Variants in NR3C2 observed in about 807,000 individuals in gnomAD.
The protein encoded by NR3C2 is mineralocorticoid receptor.
Under a neutral mutation model 86.4 loss-of-function variants are expected in NR3C2, and 15 were observed. The observed-to-expected ratio is 0.17, with a 90% CI of 0.12 to 0.27. The LOEUF is 0.27. Ranked by LOEUF, NR3C2 falls within the 10% of genes least tolerant of loss-of-function variation. The pLI, the probability that NR3C2 is intolerant of heterozygous loss-of-function variation, is 1.00. For synonymous variants in NR3C2, 458 were observed against 450.5 expected (o/e 1.02, Z -0.21); for missense variants, 960 against 1,195.6 (o/e 0.80, Z 2.91).
At chr4:148,422,573 C>T (rs1749335669) in intron 2 of NR3C2, among the ~76,000 whole-genome samples, 1 of 152,016 alleles carries the variant, frequency 6.6e-6, no homozygotes, top group African/African-American at 2.4e-5. Flanking sequence ...AAAATAAGCA[C>T]ATTTCTACTT....
At chr4:148,096,800 T>C (rs568588550) in intron 8 of NR3C2, among the ~76,000 whole-genome samples, 17 of 152,316 alleles carry the variant, frequency 1.1e-4, no homozygotes, top group African/African-American at 4.1e-4. Context: ...GTGACTGCTG[T>C]CATGCTACAG....
intron 3 of NR3C2, among the ~76,000 whole-genome samples, chr4:148,210,454 G>A (rs1737227991): frequency 6.6e-6 from 1 of 152,204 alleles, no homozygotes. Context: ...GGCTCCCAAA[G>A]TGCTGGGATT....
intron 3 of NR3C2, among the ~76,000 whole-genome samples, chr4:148,223,260 A>G (rs556268039): frequency 6.6e-6 from 1 of 152,194 alleles, no homozygotes; most frequent in South Asian, 2.1e-4. Context: ...CCCAGCCTCA[A>G]ATGCATCCCT....
intron 3 of NR3C2, among the ~76,000 whole-genome samples, chr4:148,250,060 A>C (rs1483856176): frequency 6.6e-6 from 1 of 152,160 alleles, no homozygotes; most frequent in Non-Finnish European, 1.5e-5. Context: ...TTTGCCTCAG[A>C]ACAGTGCCGA....
At chr4:148,429,235 G>A (rs966747864) in intron 2 of NR3C2, among the ~76,000 whole-genome samples, 4 of 152,020 alleles carry the variant, frequency 2.6e-5, no homozygotes, top group African/African-American at 7.3e-5. Context: ...TGCCACTTAC[G>A]AGCCAAATTT....
At position 148,112,952 on chromosome 4, in the gene NR3C2, G is replaced by C. The variant is rs1200894574; in HGVS notation, c.2799+1152C>G. On this transcript the variant is annotated intron_variant, in intron 8 of 8. Transcript: ENST00000358102. Reference sequence around the variant, plus strand: ...TACTCAGATCTTACAGGATGAACTTGGGCAATAAATTCTCCAAAAGAAAGT... The same window carrying C: ...TACTCAGATCTTACAGGATGAACTTCGGCAATAAATTCTCCAAAAGAAAGT... Among the ~76,000 whole-genome samples, 7 of 152,072 alleles carry C rather than the reference G, an allele frequency of 4.6e-5. No homozygotes were observed. In the South Asian group the frequency reaches 1.2e-3, roughly 27 times the overall value.
rs890061461 is a variant in NR3C2 at position 148,079,509 on chromosome 4, A to G, written c.*1835T>C. Reference sequence around the variant, plus strand: ...TTTTAGATTTTGGAAAATAATTAATATGATTTCACTGAGTAAACCTGATGA... The same window carrying G: ...TTTTAGATTTTGGAAAATAATTAATGTGATTTCACTGAGTAAACCTGATGA... On this transcript the variant is annotated 3_prime_UTR_variant, in exon 9 of 9. Transcript: ENST00000358102. 1.3e-5 allele frequency: 2 copies of G among 152,594 alleles called. No homozygotes were observed. Among genetic ancestry groups the G allele is most frequent in the East Asian group, 1.9e-4 (1 of 5,206 alleles). 9.5% of individuals were successfully genotyped at this position (152,594 alleles called of 1,614,324 possible). A position where few individuals can be genotyped will look rare whatever the true frequency, so the allele number is the denominator to read the frequency against.
intron 2 of NR3C2, among the ~76,000 whole-genome samples, chr4:148,300,868 G>T (rs1004067808): frequency 1.3e-5 from 2 of 152,122 alleles, no homozygotes; most frequent in African/African-American, 2.4e-5. Flanking sequence ...CACCGCGCCC[G>T]ACCTTGCCTT....
chr4:148,340,754 G>A (rs1045922625), intron 2 of NR3C2, among the ~76,000 whole-genome samples: 3 of 151,940 alleles, frequency 2.0e-5, no homozygotes, highest in Non-Finnish European at 4.4e-5. Context: ...GAATATATAA[G>A]GAACTCAAAC....
At chr4:148,321,503 G>T (rs1375344187) in intron 2 of NR3C2, among the ~76,000 whole-genome samples, 1 of 151,986 alleles carries the variant, frequency 6.6e-6, no homozygotes, top group Non-Finnish European at 1.5e-5. Context: ...TTATTAATGT[G>T]TGGGAGTCTA....
At chr4:148,178,439 C>G (rs1735484536) in intron 4 of NR3C2, among the ~76,000 whole-genome samples, 1 of 151,596 alleles carries the variant, frequency 6.6e-6, no homozygotes, top group Non-Finnish European at 1.5e-5. Flanking sequence ...GTATGGATAA[C>G]ATAAAATACG....
At chr4:148,374,447 A>G (rs1746573613) in intron 2 of NR3C2, among the ~76,000 whole-genome samples, 2 of 152,220 alleles carry the variant, frequency 1.3e-5, no homozygotes, top group Admixed American at 1.3e-4. Flanking sequence ...CCTCAAGGTC[A>G]GATTATTATT....
chr4:148,163,520 A>T (rs1216027697), intron 4 of NR3C2, among the ~76,000 whole-genome samples: 1 of 152,206 alleles, frequency 6.6e-6, no homozygotes, highest in Non-Finnish European at 1.5e-5. Context: ...TGCCTGCTTG[A>T]GAGAATGTCT....
chr4:148,098,246 A>G (rs941134797), intron 8 of NR3C2, among the ~76,000 whole-genome samples: 2 of 152,176 alleles, frequency 1.3e-5, no homozygotes, highest in African/African-American at 4.8e-5. Flanking sequence ...TGTTTTATGC[A>G]TGTTTCTGTT....
intron 3 of NR3C2, among the ~76,000 whole-genome samples, chr4:148,223,140 C>G (rs934401158): frequency 6.6e-6 from 1 of 152,070 alleles, no homozygotes; most frequent in Non-Finnish European, 1.5e-5. Flanking sequence ...ACTTTCCAAC[C>G]TTACCACCTA....
intron 8 of NR3C2, among the ~76,000 whole-genome samples, chr4:148,087,238 A>T (rs924941311): frequency 2.0e-5 from 3 of 151,954 alleles, no homozygotes; most frequent in Admixed American, 2.0e-4. Flanking sequence ...TCAAGTCTCA[A>T]GGAAATAAGA....
intron 8 of NR3C2, among the ~76,000 whole-genome samples, chr4:148,081,960 G>A (rs1335923643): frequency 6.6e-6 from 1 of 152,206 alleles, no homozygotes; most frequent in Non-Finnish European, 1.5e-5. Flanking sequence ...GCAGGACAGA[G>A]CACTGCACAG....
intron 2 of NR3C2, among the ~76,000 whole-genome samples, chr4:148,376,685 A>G (rs1351365479): frequency 6.6e-6 from 1 of 152,242 alleles, no homozygotes; most frequent in Non-Finnish European, 1.5e-5. Flanking sequence ...TCTGCCGTCC[A>G]AGGGCAGCTA....
rs59926068 is a variant in NR3C2 at position 148,300,168 on chromosome 4, C to A, written c.1758-40051G>T. On this transcript the variant is annotated intron_variant, in intron 2 of 8. Coordinates refer to ENST00000358102, the MANE Select transcript of NR3C2 (RefSeq NM_000901.5). ...TGTTTTACGTCCTTGGAAGTATGAC[C>A]TGTAACCACATGGCAATGCTTTGTT... Among the ~76,000 whole-genome samples the A allele has an allele frequency of 7.2e-3, 1,094 of 152,310 alleles. 15 individuals carry two copies. The highest frequency in any genetic ancestry group is 0.025 in the African/African-American group (1,038 of 41,558).
Sources: allele counts gnomAD v4.1 joint callset (sites outside exome capture counted in the v4.1 genomes callset), GRCh38; gene constraint gnomAD v4.1.1; transcripts MANE v1.5; gene names NCBI Gene and HGNC (gene_info 2026-07-23, HGNC 2026-07-21).